CSMD1: variants seen among roughly 807,000 people sequenced by gnomAD.
CSMD1 encodes the protein CUB and sushi domain-containing protein 1.
In CSMD1, 213 loss-of-function variants were observed where a neutral mutation model predicts 417.5. The observed-to-expected ratio is 0.51, with a 90% CI of 0.46 to 0.57. The LOEUF (loss-of-function observed/expected upper bound fraction) is 0.57, where lower values mean the gene tolerates loss of function less well. CSMD1 is among the 20% of genes least tolerant of loss of function. The pLI, the probability that CSMD1 is intolerant of heterozygous loss-of-function variation, is 0.00. For missense variants in CSMD1, 6,923 were observed against 4,529.7 expected, an observed-to-expected ratio of 1.53 and a Z score of -15.17; for synonymous variants, 2,862 against 1,736.8, an observed-to-expected ratio of 1.65 and a Z score of -16.11.
In CSMD1 at chr8:3,035,122, C is replaced by G. The variant is rs146108498; in HGVS notation, c.7661-5609G>C. 8.4e-3 allele frequency among the ~76,000 whole-genome samples: 1,282 copies of G among 152,280 alleles called. 16 individuals are homozygous for G. The highest frequency in any genetic ancestry group is 0.027 in the African/African-American group (1,118 of 41,546). ...TGTGCTGACATTTTTAAAGAAAACACTTGGTTCTTTCTAACAAAAATATCT... is the reference window on the plus strand; with the variant it reads ...TGTGCTGACATTTTTAAAGAAAACAGTTGGTTCTTTCTAACAAAAATATCT... On this transcript the variant is annotated intron_variant, in intron 50 of 69. Transcript: ENST00000635120.
At chr8:4,460,672 G>T (rs185304234) in intron 2 of CSMD1, among the ~76,000 whole-genome samples, 4 of 131,256 alleles carry the variant, frequency 3.0e-5, no homozygotes, top group Non-Finnish European at 6.0e-5. Context: ...GACTGTAAGA[G>T]AATTTTATAA....
intron 1 of CSMD1, among the ~76,000 whole-genome samples, chr8:4,852,305 C>T (rs1801525791): frequency 1.3e-5 from 2 of 152,138 alleles, no homozygotes; most frequent in African/African-American, 4.8e-5. Context: ...GCTGATCCCT[C>T]ATAGATGGCT....
intron 2 of CSMD1, among the ~76,000 whole-genome samples, chr8:4,442,283 A>T (rs983396913): frequency 2.0e-5 from 3 of 152,160 alleles, no homozygotes; most frequent in Non-Finnish European, 2.9e-5. Context: ...ACAGTAAAAA[A>T]ATTATTAAAA....
intron 5 of CSMD1, among the ~76,000 whole-genome samples, chr8:3,937,246 A>G (rs1232033413): frequency 2.0e-5 from 3 of 152,080 alleles, no homozygotes; most frequent in African/African-American, 7.3e-5. Context: ...TCAGTTAATA[A>G]AGCAGCAGCA....
chr8:4,380,158 A>T (rs1400263526), intron 3 of CSMD1, among the ~76,000 whole-genome samples: 1 of 152,226 alleles, frequency 6.6e-6, no homozygotes, highest in African/African-American at 2.4e-5. Flanking sequence ...TGCCCTCAGA[A>T]GGTGGCATGT....
intron 2 of CSMD1, among the ~76,000 whole-genome samples, chr8:4,452,266 G>A (rs1261917446): frequency 1.3e-5 from 2 of 152,086 alleles, no homozygotes; most frequent in African/African-American, 2.4e-5. Context: ...GCTCCTCCTT[G>A]TCAAAGGAGG....
Position 4,209,901 on chromosome 8 carries a change from G to C in CSMD1, c.416-177802C>G, listed in dbSNP as rs562595553. On this transcript the variant is annotated intron_variant, in intron 3 of 69. Coordinates refer to ENST00000635120, the MANE Select transcript of CSMD1 (RefSeq NM_033225.6). ...GGTGGTAACTTCTGTGTTGACAGGT[G>C]GTCTCCATGGAAAGCGGTGACCACG... Among the ~76,000 whole-genome samples, 39 of 152,334 alleles carry C rather than the reference G, an allele frequency of 2.6e-4. 1 individual carries two copies. Among genetic ancestry groups the C allele is most frequent in the Admixed American group, 1.8e-3 (28 of 15,298 alleles).
At chr8:3,696,041 GC>G (rs1274405708) in intron 7 of CSMD1, among the ~76,000 whole-genome samples, 5 of 151,978 alleles carry the variant, frequency 3.3e-5, no homozygotes, top group African/African-American at 4.8e-5. Flanking sequence ...TTGCACACGT[GC>G]AAAAAAAAGC....
At position 4,023,346 on chromosome 8, in the gene CSMD1, A is replaced by G. The variant is rs553746981; in HGVS notation, c.610+8559T>C. Among the ~76,000 whole-genome samples, 4 of 152,324 alleles carry G rather than the reference A, an allele frequency of 2.6e-5. No individual in the cohort carries two copies. In the South Asian group the frequency reaches 6.2e-4, roughly 24 times the overall value. On this transcript the variant is annotated intron_variant, in intron 4 of 69. Coordinates refer to ENST00000635120, the MANE Select transcript of CSMD1 (RefSeq NM_033225.6). ...TTCTGTTTGAGCCCATTAATACTGTATTAATGAAACAAGCAGAACAACAAT... is the reference window on the plus strand; with the variant it reads ...TTCTGTTTGAGCCCATTAATACTGTGTTAATGAAACAAGCAGAACAACAAT...
At chr8:4,464,828 A>T (rs1016671287) in intron 2 of CSMD1, among the ~76,000 whole-genome samples, 4 of 152,074 alleles carry the variant, frequency 2.6e-5, no homozygotes, top group South Asian at 4.1e-4. Flanking sequence ...TTTTGGGAGG[A>T]AAGTATCTAT....
At chr8:4,334,762 G>T (rs542986448) in intron 3 of CSMD1, among the ~76,000 whole-genome samples, 5 of 152,266 alleles carry the variant, frequency 3.3e-5, no homozygotes, top group Admixed American at 1.3e-4. Flanking sequence ...CTACTGTGTA[G>T]TTGAATGTAG....
intron 5 of CSMD1, among the ~76,000 whole-genome samples, chr8:3,945,071 G>A (rs1425309087): frequency 6.6e-6 from 1 of 150,400 alleles, no homozygotes; most frequent in African/African-American, 2.4e-5. Flanking sequence ...TTTTATAAAT[G>A]TTTAAGACAA....
At chr8:3,714,150 A>G (rs1801689229) in intron 6 of CSMD1, among the ~76,000 whole-genome samples, 1 of 150,156 alleles carries the variant, frequency 6.7e-6, no homozygotes, top group Admixed American at 6.7e-5. Flanking sequence ...ACGTATTTAG[A>G]AAGTTAATAA....
intron 28 of CSMD1, among the ~76,000 whole-genome samples, chr8:3,222,601 G>A (rs1225776563): frequency 6.6e-6 from 1 of 152,108 alleles, no homozygotes; most frequent in Non-Finnish European, 1.5e-5. Context: ...GAACCACCAT[G>A]CCTGGCTTCA....
intron 2 of CSMD1, among the ~76,000 whole-genome samples, chr8:4,636,496 A>C (rs1802817382): frequency 6.6e-6 from 1 of 152,172 alleles, no homozygotes; most frequent in South Asian, 2.1e-4. Context: ...CCTTTCACTG[A>C]ATATATTCTC....
intron 5 of CSMD1, among the ~76,000 whole-genome samples, chr8:3,770,158 C>G (rs2129058578): frequency 6.6e-6 from 1 of 152,326 alleles, no homozygotes; most frequent in African/African-American, 2.4e-5. Flanking sequence ...CAGCCCTGGC[C>G]TATGCCACAC....
At chr8:4,903,688 T>A (rs1759476395) in intron 1 of CSMD1, among the ~76,000 whole-genome samples, 1 of 152,274 alleles carries the variant, frequency 6.6e-6, no homozygotes, top group South Asian at 2.1e-4. Flanking sequence ...ATACCAAAGG[T>A]TGTAATAAGG....
At chr8:3,977,608 G>A (rs554628081) in intron 5 of CSMD1, among the ~76,000 whole-genome samples, 5 of 152,314 alleles carry the variant, frequency 3.3e-5, no homozygotes, top group African/African-American at 1.2e-4. Flanking sequence ...TTTTCAAAGT[G>A]AGTGCTAAGA....
intron 10 of CSMD1, among the ~76,000 whole-genome samples, chr8:3,551,697 A>G (rs142175490): frequency 1.5e-4 from 22 of 151,278 alleles, no homozygotes; most frequent in Non-Finnish European, 3.1e-4. Context: ...TAAAGACATG[A>G]CTGATGATGA....
Sources: gnomAD v4.1 joint callset for allele counts (sites outside exome capture counted in the v4.1 genomes callset) on GRCh38, gnomAD v4.1.1 for gene constraint, MANE v1.5 for transcripts, NCBI Gene and HGNC (gene_info 2026-07-23, HGNC 2026-07-21) for gene names.